NPTN: variants seen among roughly 807,000 people sequenced by gnomAD.
NPTN encodes the protein SDR-1.
NPTN carries 5 observed loss-of-function variants against 42.7 expected under a neutral mutation model. The ratio of observed to expected loss-of-function variants is 0.12; its 90% CI spans 0.06 to 0.25. The LOEUF is 0.25. NPTN is among the 10% of genes least tolerant of loss of function. The probability of loss-of-function intolerance (pLI) is 1.00; values close to 1 mark genes in which losing one functional copy is unlikely to be tolerated. For missense variants in NPTN, 307 were observed against 525.4 expected (o/e 0.58, Z 4.06); for synonymous variants, 180 against 201.9 (o/e 0.89, Z 0.92).
Position 73,597,139 on chromosome 15 carries a change from A to G in NPTN, c.322T>C (p.Leu108=), listed in dbSNP as rs541449687. The G allele has an allele frequency of 6.2e-7, 1 of 1,614,070 alleles. No homozygotes were observed. The highest frequency in any genetic ancestry group is 8.5e-7 in the Non-Finnish European group (1 of 1,180,030). ...VSVLRITRLT[L]EDSGTYECRA... is the part of the protein sequence containing the mutation. ...CACTCGTAAGTCCCAGAGTCCTCCA[A>G]GGTGAGCCGGGTTATTCTCAGCACA... The change falls in exon 2 of 9, where the codon TTG becomes CTG. Residue 108 remains leucine, a synonymous_variant. Coordinates refer to ENST00000345330, the MANE Select transcript of NPTN (RefSeq NM_012428.4). This position sits in a 1 kb window ranked among gnomAD's most constrained non-coding sequence, Gnocchi z 6.3.
At chr15:73,608,154 T>A (rs1182553282) in intron 1 of NPTN, among the ~76,000 whole-genome samples, 2 of 152,200 alleles carry the variant, frequency 1.3e-5, no homozygotes, top group Non-Finnish European at 2.9e-5. Context: ...TTCCAGTGTA[T>A]ACACTGACAG....
rs1185232534 is a variant in NPTN, at chr15:73,573,777, C to A, written c.725G>T (p.Gly242Val). 17 of 1,603,826 alleles carry A rather than the reference C, an allele frequency of 1.1e-5. No homozygotes were observed. The highest frequency in any genetic ancestry group is 2.7e-5 in the African/African-American group (2 of 74,476). Residue 242 changes from glycine (G) to valine (V), a missense_variant, in exon 5 of 9, where the codon GGC becomes GTC. This residue lies in a region of NPTN where 264 missense variants were observed against 491.1 expected (regional missense o/e 0.54). Transcript: ENST00000345330. ...IEVKAAPDIT[G>V]HKRSENKNEG... ...ATTCTTGTTCTCACTCCGTTTATGG[C>A]CAGTGATGTCAGGAGCGGCTGTGAG...
chr15:73,567,302 T>C (rs557890861), intron 6 of NPTN: 47 of 985,204 alleles, frequency 4.8e-5, no homozygotes, highest in Non-Finnish European at 5.7e-5. Context: ...TTTGGCAAAG[T>C]AGAAGTATGG....
At position 73,603,301 on chromosome 15, in the gene NPTN, G is replaced by A. The variant is rs1221162079; in HGVS notation, c.92-5932C>T. On this transcript the variant is annotated intron_variant, in intron 1 of 8. Coordinates refer to ENST00000345330, the MANE Select transcript of NPTN (RefSeq NM_012428.4). ...GAAATAAGTGCTAAACAGGCCACGG[G>A]CAGCAGCCTGCAGCACTGCTCCACA... Among the ~76,000 whole-genome samples the A allele has an allele frequency of 2.0e-5, 3 of 152,196 alleles. No individual in the cohort carries two copies. The East Asian group carries it at 5.8e-4, about 29-fold the overall frequency.
At chr15:73,622,841 G>A (rs117671006) in intron 1 of NPTN, among the ~76,000 whole-genome samples, 1,585 of 152,248 alleles carry the variant, frequency 0.01, 17 homozygotes, top group Non-Finnish European at 0.017. Flanking sequence ...GCCATATTAC[G>A]TAAATAAAAA....
Position 73,573,642 on chromosome 15 carries a change from C to G in NPTN, c.840+20G>C. 6.5e-7 allele frequency: 1 copy of G among 1,543,790 alleles called. No homozygotes were observed. Among genetic ancestry groups the G allele is most frequent in the Non-Finnish European group, 8.7e-7 (1 of 1,149,254 alleles). On this transcript the variant is annotated intron_variant, in intron 5 of 8. Transcript: ENST00000345330. ...GGGAAAACTCCAGCAACCAGAGACC[C>G]GGGCCTGCCTCCTACTCACCATGGG...
At chr15:73,573,826 G>A (rs1347091632) in intron 4 of NPTN, 31 bp from the exon 5 acceptor site, 19 of 1,603,836 alleles carry the variant, frequency 1.2e-5, no homozygotes, top group South Asian at 7.9e-5. Context: ...CAGTTACCAC[G>A]GAAGTCTACT....
At chr15:73,584,239 A>G (rs1427649791) in intron 4 of NPTN, among the ~76,000 whole-genome samples, 1 of 152,208 alleles carries the variant, frequency 6.6e-6, no homozygotes, top group Non-Finnish European at 1.5e-5. Context: ...TCCTCTTCCA[A>G]AAACAGCAAT....
intron 1 of NPTN, among the ~76,000 whole-genome samples, chr15:73,627,411 T>C (rs999995002): frequency 1.3e-5 from 2 of 152,202 alleles, no homozygotes; most frequent in African/African-American, 4.8e-5. Context: ...AATGTTTCCC[T>C]CGAGCTGACT....
chr15:73,567,002 CTTTTTTTTTT>C, intron 6 of NPTN: 6 of 828,818 alleles, frequency 7.2e-6, no homozygotes, highest in Non-Finnish European at 8.5e-6. Flanking sequence ...AGACATGGGG[CTTTTTTTTTT>C]TTTTTTTTTT....
rs993666109 is a variant in NPTN, at chr15:73,560,994, C to T, written c.*69G>A. On this transcript the variant is annotated 3_prime_UTR_variant, in exon 9 of 9. Transcript: ENST00000345330. The stretch of plus-strand genomic sequence containing the variant: ...TGAAAGGGGAGAGAACCAAAGAGGT[C>T]CAAGCAGAAAATTTTAGCAGGTCAT... The T allele has an allele frequency of 3.9e-5, 6 of 152,526 alleles. No individual in the cohort carries two copies. The allele number at this position is 152,526 out of a possible 1,614,324, so 9.4% of individuals were successfully genotyped here.
chr15:73,626,175 C>A (rs1042038025), intron 1 of NPTN, among the ~76,000 whole-genome samples: 1 of 152,150 alleles, frequency 6.6e-6, no homozygotes, highest in African/African-American at 2.4e-5. Flanking sequence ...ATTAGTCAAC[C>A]ACTTTCAGCC....
intron 2 of NPTN, among the ~76,000 whole-genome samples, chr15:73,596,101 C>T (rs1173406941): frequency 6.6e-6 from 1 of 152,212 alleles, no homozygotes. Flanking sequence ...CAGAGTCAAA[C>T]CGTGAACAGG....
At chr15:73,609,418 G>T (rs970019518) in intron 1 of NPTN, among the ~76,000 whole-genome samples, 6 of 137,542 alleles carry the variant, frequency 4.4e-5, no homozygotes, top group African/African-American at 1.6e-4. Flanking sequence ...ATCACCTGAG[G>T]TGGAGTTCAA....
chr15:73,591,689 A>G (rs1896592814), intron 3 of NPTN: 1 of 241,072 alleles, frequency 4.1e-6, no homozygotes, highest in South Asian at 1.2e-4. Flanking sequence ...ATTGACTAAC[A>G]TTGTTACCCT....
chr15:73,600,763 T>C (rs1019057976), intron 1 of NPTN, among the ~76,000 whole-genome samples: 12 of 152,200 alleles, frequency 7.9e-5, no homozygotes, highest in Non-Finnish European at 1.5e-5. Context: ...CAACATACTA[T>C]GATCACTAAC....
intron 1 of NPTN, among the ~76,000 whole-genome samples, chr15:73,610,495 T>C (rs1414891137): frequency 6.6e-6 from 1 of 152,192 alleles, no homozygotes; most frequent in Non-Finnish European, 1.5e-5. Context: ...TCACTTAACA[T>C]GGAATGCTTT....
At chr15:73,601,055 A>G (rs1897062622) in intron 1 of NPTN, among the ~76,000 whole-genome samples, 1 of 152,248 alleles carries the variant, frequency 6.6e-6, no homozygotes, top group Non-Finnish European at 1.5e-5. Flanking sequence ...CGCAGTTTGC[A>G]AAGAGCTTCC....
intron 4 of NPTN, among the ~76,000 whole-genome samples, 182 bp downstream of exon 4, chr15:73,587,341 AG>A (rs1201093231): frequency 6.6e-6 from 1 of 152,214 alleles, no homozygotes; most frequent in Non-Finnish European, 1.5e-5. Context: ...CCACACAGCT[AG>A]TAGATGATGG....
Sources: allele counts gnomAD v4.1 joint callset (sites outside exome capture counted in the v4.1 genomes callset), GRCh38; gene constraint gnomAD v4.1.1; regional missense constraint gnomAD v4.1.1; non-coding constraint Gnocchi (gnomAD v3.1); transcripts MANE v1.5; gene names NCBI Gene and HGNC (gene_info 2026-07-23, HGNC 2026-07-21).